Variants in ACAT1 observed in about 807,000 individuals in gnomAD.
The protein encoded by ACAT1 is acetyl-CoA acetyltransferase, mitochondrial.
ACAT1 carries 28 observed loss-of-function variants against 47.3 expected under a neutral mutation model. The ratio of observed to expected loss-of-function variants is 0.59; its 90% CI spans 0.44 to 0.81. ACAT1 has a LOEUF of 0.81. Among genes scored for constraint, ACAT1 ranks in the 30% least tolerant of loss-of-function variants. The pLI, the probability that ACAT1 is intolerant of heterozygous loss-of-function variation, is 0.00. For synonymous variants in ACAT1, 181 were observed against 173.6 expected (o/e 1.04, Z -0.34); for missense variants, 469 against 524.3 (o/e 0.89, Z 1.03).
At chr11:108,138,080 C>G (rs2135351640) in intron 5 of ACAT1, among the ~76,000 whole-genome samples, 1 of 146,602 alleles carries the variant, frequency 6.8e-6, no homozygotes. Context: ...GCTCTGCCTC[C>G]CAGGTTCACG....
chr11:108,140,326 A>C, intron 7 of ACAT1, 111 bp downstream of exon 7: 1 of 1,310,314 alleles, frequency 7.6e-7, no homozygotes, highest in Non-Finnish European at 1.1e-6. Context: ...GCTTATGGTT[A>C]ATAAAAAGTG....
chr11:108,133,805 C>G lies in ACAT1; in HGVS notation c.121-15C>G. ...GTAAAATACCTATAATTTTTACCAT[C>G]TTGTGTCTTGCCAGGAAGTGGTCAT... is the stretch of plus-strand genomic sequence containing the variant. On this transcript the variant is annotated splice_polypyrimidine_tract_variant and intron_variant, in intron 2 of 11. Coordinates refer to ENST00000265838, the MANE Select transcript of ACAT1 (RefSeq NM_000019.4). 1 of 1,595,570 alleles carries G rather than the reference C, an allele frequency of 6.3e-7. No individual in the cohort carries two copies. Among genetic ancestry groups the G allele is most frequent in the Admixed American group, 1.7e-5 (1 of 59,980 alleles).
chr11:108,146,159 T>C (rs748999232), intron 10 of ACAT1, 43 bp from the exon 11 acceptor site: 22 of 1,476,096 alleles, frequency 1.5e-5, no homozygotes, highest in African/African-American at 1.3e-4. Context: ...TAAGTTGTGA[T>C]TGCTAATTAT....
rs2135356039 is a variant in ACAT1 at position 108,138,950 on chromosome 11, TGAACA to T, written c.491_495del (p.Asn164ArgfsTer11). Reference sequence around the variant, plus strand: ...AGCATGTCCAATGTTCCATATGTAATGAACAGAGGATCAACACCATATGGTGGGGT... The same window carrying T: ...AGCATGTCCAATGTTCCATATGTAATGAGGATCAACACCATATGGTGGGGT... On this transcript the variant is annotated frameshift_variant, in exon 6 of 12. Coordinates refer to ENST00000265838, the MANE Select transcript of ACAT1 (RefSeq NM_000019.4). LOFTEE classifies it high-confidence loss of function. 3.7e-6 allele frequency: 6 copies of T among 1,614,150 alleles called. No individual in the cohort carries two copies. The highest frequency in any genetic ancestry group is 4.2e-6 in the Non-Finnish European group (5 of 1,180,010).
intron 4 of ACAT1, chr11:108,134,538 T>A (rs1253578696): frequency 2.8e-6 from 1 of 355,424 alleles, no homozygotes; most frequent in Non-Finnish European, 5.3e-6. Flanking sequence ...CTTGGGAGGC[T>A]GAGGCAGGAG....
Position 108,147,532 on chromosome 11 carries a change from G to T in ACAT1, c.*142G>T. The T allele has an allele frequency of 1.8e-6, 2 of 1,100,380 alleles. No homozygotes were observed. The highest frequency in any genetic ancestry group is 2.6e-6 in the Non-Finnish European group (2 of 770,098). The allele number at this position is 1,100,380 out of a possible 1,614,324, so 68.2% of individuals were successfully genotyped here. A position where few individuals can be genotyped will look rare whatever the true frequency, so the allele number is the denominator to read the frequency against. On this transcript the variant is annotated 3_prime_UTR_variant, in exon 12 of 12. Transcript: ENST00000265838. ...TATGTTAACTTTTAAAAATCAAAAT[G>T]ATGAAATCCCAAAACATTTTGAAAT... is the stretch of plus-strand genomic sequence containing the variant.
At chr11:108,140,531 A>G (rs2077564795) in intron 7 of ACAT1, among the ~76,000 whole-genome samples, 1 of 152,234 alleles carries the variant, frequency 6.6e-6, no homozygotes, top group African/African-American at 2.4e-5. Flanking sequence ...GAACTGAAGG[A>G]TGAACAGTAG....
In ACAT1 at chr11:108,147,313, A is replaced by T; in HGVS notation, c.1207A>T (p.Lys403Ter). 2 of 1,613,974 alleles carry T rather than the reference A, an allele frequency of 1.2e-6. No homozygotes were observed. The highest frequency in any genetic ancestry group is 2.2e-5 in the South Asian group (2 of 91,088). ...RIVGHLTHAL[K>*]QGEYGLASIC... ...TGTTGGTCATTTGACTCATGCCTTG[A>T]AGCAAGGAGAATACGGTCTTGCCAG... Residue 403 changes from lysine (K) to a stop codon, truncating the protein, a stop_gained, in exon 12 of 12, where the codon AAG becomes TAG. Transcript: ENST00000265838. LOFTEE classifies it high-confidence loss of function.
chr11:108,139,142 A>C (rs903201609), intron 6 of ACAT1, 101 bp downstream of exon 6: 133 of 1,451,576 alleles, frequency 9.2e-5, no homozygotes, highest in Non-Finnish European at 1.2e-4. Flanking sequence ...GATGGGCTCT[A>C]TAAATGTTGA....
chr11:108,135,093 A>G, intron 4 of ACAT1, 49 bp from the exon 5 acceptor site: 3 of 1,277,892 alleles, frequency 2.3e-6, no homozygotes, highest in Non-Finnish European at 3.4e-6. Flanking sequence ...TAAGTTCTGC[A>G]GTTGTGTTTG....
chr11:108,146,230 A>G lies in ACAT1; in HGVS notation c.1034A>G (p.Glu345Gly), dbSNP rs1471207271. ...MVLKDVGLKK[E>G]DIAMWEVNEA... The stretch of plus-strand genomic sequence containing the variant: ...CTTAAAGATGTGGGATTGAAAAAAG[A>G]AGATATTGCAATGTGGGAAGTAAAT... Residue 345 changes from glutamate to glycine, a missense_variant, in exon 11 of 12, where the codon GAA (glutamate) becomes GGA (glycine). Physicochemically the swap from Glu to Gly is moderately conservative, Grantham distance 98. Coordinates refer to ENST00000265838, the MANE Select transcript of ACAT1 (RefSeq NM_000019.4). 3.7e-6 allele frequency: 6 copies of G among 1,613,164 alleles called. No homozygotes were observed. The African/African-American group carries it at 5.3e-5, about 14-fold the overall frequency.
chr11:108,127,705 C>CT (rs1466565573), intron 1 of ACAT1, among the ~76,000 whole-genome samples: 2 of 152,170 alleles, frequency 1.3e-5, no homozygotes, highest in African/African-American at 4.8e-5. Context: ...GTAAAGGAGA[C>CT]TGAGGTAAAT....
At chr11:108,140,696 G>A (rs1160738476) in intron 7 of ACAT1, among the ~76,000 whole-genome samples, 1 of 152,034 alleles carries the variant, frequency 6.6e-6, no homozygotes, top group Non-Finnish European at 1.5e-5. Flanking sequence ...ACATATATAG[G>A]GTTCTCAAAA....
In ACAT1 at chr11:108,140,080, A is replaced by C. The variant is rs1417704796; in HGVS notation, c.595A>C (p.Asn199His). ...NKIHMGSCAE[N>H]TAKKLNIARN... Reference sequence around the variant, plus strand: ...TTTTTATCAGGGCAGCTGTGCTGAGAATACAGCAAAGAAGCTGAATATTGC... The same window carrying C: ...TTTTTATCAGGGCAGCTGTGCTGAGCATACAGCAAAGAAGCTGAATATTGC... The change falls in exon 7 of 12, where the codon AAT becomes CAT. Residue 199 changes from asparagine to histidine, a missense_variant. Physicochemically the swap from Asn to His is moderately conservative, Grantham distance 68. Transcript: ENST00000265838. 6.2e-7 allele frequency: 1 copy of C among 1,614,040 alleles called. No individual in the cohort carries two copies. Among genetic ancestry groups the C allele is most frequent in the East Asian group, 2.2e-5 (1 of 44,856 alleles).
chr11:108,126,064 GC>G (rs2135301967), intron 1 of ACAT1, among the ~76,000 whole-genome samples: 1 of 152,210 alleles, frequency 6.6e-6, no homozygotes, highest in East Asian at 1.9e-4. Context: ...GGGCAGCGGC[GC>G]GATCTCGGCT....
intron 1 of ACAT1, among the ~76,000 whole-genome samples, chr11:108,130,460 C>G (rs751395446): frequency 2.0e-5 from 3 of 152,044 alleles, no homozygotes; most frequent in Non-Finnish European, 2.9e-5. Flanking sequence ...GTGGCGTGAT[C>G]TTGGCTCACT....
In ACAT1 at chr11:108,145,686, T is replaced by TA. The variant is rs1222051611; in HGVS notation, c.1006-515dup. Among the ~76,000 whole-genome samples the TA allele has an allele frequency of 9.2e-5, 14 of 152,200 alleles. 1 individual carries two copies. Among genetic ancestry groups the TA allele is most frequent in the Admixed American group, 3.9e-4 (6 of 15,284 alleles). ...AAAGAAAATCAAATTTTCTGTCCCC[T>TA]ATGTCAAAACAGACATAATGCAAAC... On this transcript the variant is annotated intron_variant, in intron 10 of 11. Transcript: ENST00000265838.
chr11:108,138,090 G>A (rs977953261), intron 5 of ACAT1, among the ~76,000 whole-genome samples: 3 of 145,706 alleles, frequency 2.1e-5, no homozygotes, highest in Admixed American at 6.9e-5. Context: ...CCAGGTTCAC[G>A]CCATTCTCTT....
chr11:108,129,917 GTTTA>G (rs2077325307), intron 1 of ACAT1, among the ~76,000 whole-genome samples: 1 of 152,054 alleles, frequency 6.6e-6, no homozygotes, highest in African/African-American at 2.4e-5. Flanking sequence ...AGGAGTTCTG[GTTTA>G]TTTTTTATTT....
Sources: allele counts gnomAD v4.1 joint callset (sites outside exome capture counted in the v4.1 genomes callset), GRCh38; gene constraint gnomAD v4.1.1; transcripts MANE v1.5; gene names NCBI Gene and HGNC (gene_info 2026-07-23, HGNC 2026-07-21).